PRKD1: variants seen among roughly 807,000 people sequenced by gnomAD.
The protein encoded by PRKD1 is protein kinase D1.
Under a neutral mutation model 95.9 loss-of-function variants are expected in PRKD1, and 63 were observed. That is an observed-to-expected ratio of 0.66 (90% CI 0.54 to 0.81). The LOEUF is 0.81. PRKD1 is among the 30% of genes least tolerant of loss of function. The pLI, the probability that PRKD1 is intolerant of heterozygous loss-of-function variation, is 0.00. For synonymous variants in PRKD1, 425 were observed against 423.1 expected (o/e 1.00, Z -0.05); for missense variants, 1,048 against 1,165.3 (o/e 0.90, Z 1.47).
rs1192535083 is a variant in PRKD1, at chr14:29,826,842, C to CATATATATATAT, written c.264+100406_264+100407insATATATATATAT. On this transcript the variant is annotated intron_variant, in intron 1 of 17. Coordinates refer to ENST00000331968, the MANE Select transcript of PRKD1 (RefSeq NM_002742.3). ...ATATATATATATATATATATATACA[C>CATATATATATAT]ACATATATATATATATATATATATA... is the stretch of plus-strand genomic sequence containing the variant. Among the ~76,000 whole-genome samples, 18 of 19,862 alleles carry CATATATATATAT rather than the reference C, an allele frequency of 9.1e-4. 1 individual carries two copies. The highest frequency in any genetic ancestry group is 1.3e-3 in the Non-Finnish European group (14 of 11,066). 13.0% of individuals were successfully genotyped at this position (19,862 alleles called of 152,430 possible).
At chr14:29,849,448 T>G (rs1892212495) in intron 1 of PRKD1, among the ~76,000 whole-genome samples, 1 of 151,888 alleles carries the variant, frequency 6.6e-6, no homozygotes, top group African/African-American at 2.4e-5. Context: ...GCACACAAAC[T>G]AGAAAATCCA....
Position 29,636,252 on chromosome 14 carries a change from G to T in PRKD1, c.1190+38C>A, listed in dbSNP as rs750185715. On this transcript the variant is annotated intron_variant, in intron 7 of 17. Transcript: ENST00000331968. ...GTTTAAAGAGAAAATACTGCCTGGG[G>T]TTCCCCTGTTGGCTGAGGCTGGGAG... The T allele has an allele frequency of 1.4e-5, 23 of 1,609,742 alleles. No homozygotes were observed. In the East Asian group the frequency reaches 4.9e-4, roughly 34 times the overall value.
intron 1 of PRKD1, among the ~76,000 whole-genome samples, chr14:29,750,836 T>G (rs928516353): frequency 6.6e-6 from 1 of 152,302 alleles, no homozygotes; most frequent in Non-Finnish European, 1.5e-5. Flanking sequence ...TCTGCAGTAC[T>G]TTTGGGCCAG....
chr14:29,582,087 C>A (rs778437434), intron 16 of PRKD1, among the ~76,000 whole-genome samples: 7 of 151,840 alleles, frequency 4.6e-5, no homozygotes, highest in Non-Finnish European at 7.4e-5. Context: ...ACTCATTCTA[C>A]CAATCTGGTA....
At chr14:29,779,084 A>G (rs1398102729) in intron 1 of PRKD1, among the ~76,000 whole-genome samples, 1 of 152,246 alleles carries the variant, frequency 6.6e-6, no homozygotes, top group African/African-American at 2.4e-5. Context: ...ACAAAATTCA[A>G]CAGCCCTTCA....
chr14:29,805,189 A>G lies in PRKD1; in HGVS notation c.265-79515T>C, dbSNP rs893695150. Among the ~76,000 whole-genome samples, 8 of 152,370 alleles carry G rather than the reference A, an allele frequency of 5.3e-5. No homozygotes were observed. The East Asian group carries it at 1.3e-3, about 26-fold the overall frequency. ...GGGTATTGACCATGCTGCTATTAAT[A>G]GTAAGCAGGTGACACCTGCAGTAGC... On this transcript the variant is annotated intron_variant, in intron 1 of 17. Coordinates refer to ENST00000331968, the MANE Select transcript of PRKD1 (RefSeq NM_002742.3).
At chr14:29,878,634 T>C (rs1340058787) in intron 1 of PRKD1, among the ~76,000 whole-genome samples, 1 of 152,176 alleles carries the variant, frequency 6.6e-6, no homozygotes, top group Non-Finnish European at 1.5e-5. Flanking sequence ...AACATTACAC[T>C]AGGTGAAATA....
At chr14:29,641,345 C>T (rs1880749876) in intron 4 of PRKD1, among the ~76,000 whole-genome samples, 1 of 152,154 alleles carries the variant, frequency 6.6e-6, no homozygotes, top group Non-Finnish European at 1.5e-5. Flanking sequence ...TTATCACTAC[C>T]TTTTCTTACA....
chr14:29,650,162 G>T (rs1881401464), intron 4 of PRKD1: 1 of 152,248 alleles, frequency 6.6e-6, no homozygotes, highest in African/African-American at 2.4e-5. Flanking sequence ...CTCTGTTGGG[G>T]TGTGAGTTTC....
chr14:29,890,289 A>C (rs1409492032), intron 1 of PRKD1, among the ~76,000 whole-genome samples: 2 of 152,198 alleles, frequency 1.3e-5, no homozygotes, highest in African/African-American at 4.8e-5. Flanking sequence ...TAATTAAAGC[A>C]ATAAATCTCT....
At chr14:29,611,448 C>T (rs898846096) in intron 13 of PRKD1, among the ~76,000 whole-genome samples, 1 of 150,710 alleles carries the variant, frequency 6.6e-6, no homozygotes, top group Non-Finnish European at 1.5e-5. Context: ...TGTTTGAATT[C>T]GATACTGTAA....
At chr14:29,897,985 C>A (rs1894191217) in intron 1 of PRKD1, among the ~76,000 whole-genome samples, 1 of 151,904 alleles carries the variant, frequency 6.6e-6, no homozygotes, top group Non-Finnish European at 1.5e-5. Context: ...TATATATTAT[C>A]CCTTTAAATT....
intron 2 of PRKD1, among the ~76,000 whole-genome samples, chr14:29,703,709 T>A: frequency 6.6e-6 from 1 of 152,150 alleles, no homozygotes; most frequent in East Asian, 1.9e-4. Context: ...AATAAATATA[T>A]GTTAATGAAT....
At chr14:29,655,475 A>C (rs1881779351) in intron 4 of PRKD1, among the ~76,000 whole-genome samples, 1 of 152,198 alleles carries the variant, frequency 6.6e-6, no homozygotes, top group African/African-American at 2.4e-5. Flanking sequence ...GGATACTAAT[A>C]ATAATATTTG....
chr14:29,816,030 C>T (rs563054182), intron 1 of PRKD1, among the ~76,000 whole-genome samples: 26 of 152,186 alleles, frequency 1.7e-4, no homozygotes, highest in South Asian at 8.3e-4. Context: ...CCATCCTGGC[C>T]AACATGGTGA....
intron 1 of PRKD1, among the ~76,000 whole-genome samples, chr14:29,897,721 A>G (rs1018531462): frequency 1.3e-5 from 2 of 152,188 alleles, no homozygotes; most frequent in African/African-American, 4.8e-5. Flanking sequence ...GTAGAGGTGC[A>G]TCTATGAAAG....
intron 1 of PRKD1, among the ~76,000 whole-genome samples, chr14:29,845,077 G>A (rs1033949249): frequency 8.5e-5 from 13 of 152,122 alleles, no homozygotes; most frequent in African/African-American, 2.9e-4. Flanking sequence ...TGAAGAAAAG[G>A]AGACTAAATT....
intron 1 of PRKD1, among the ~76,000 whole-genome samples, chr14:29,793,381 T>C (rs1403040482): frequency 2.0e-5 from 3 of 152,064 alleles, no homozygotes; most frequent in African/African-American, 7.2e-5. Context: ...TCCCTGTTCT[T>C]CCTTCAGATA....
At chr14:29,652,254 C>T (rs568900187) in intron 4 of PRKD1, among the ~76,000 whole-genome samples, 10 of 152,150 alleles carry the variant, frequency 6.6e-5, no homozygotes, top group African/African-American at 1.7e-4. Context: ...GAGAGTTGCA[C>T]GGGATTTTCA....
Sources: allele counts gnomAD v4.1 joint callset (sites outside exome capture counted in the v4.1 genomes callset), GRCh38; gene constraint gnomAD v4.1.1; transcripts MANE v1.5; gene names NCBI Gene and HGNC (gene_info 2026-07-23, HGNC 2026-07-21).